Variants in STIM1 observed in about 807,000 individuals in gnomAD.
STIM1 encodes stromal interaction molecule 1.
STIM1 carries 25 observed loss-of-function variants against 74.7 expected under a neutral mutation model. The observed-to-expected ratio is 0.33, with a 90% confidence interval of 0.24 to 0.47. The LOEUF is 0.47. STIM1 is among the 20% of genes least tolerant of loss of function. The pLI is 1.00. For synonymous variants in STIM1, 328 were observed against 348.8 expected (o/e 0.94, Z 0.66); for missense variants, 728 against 920.8 (o/e 0.79, Z 2.71).
Position 4,069,054 on chromosome 11 carries a change from G to A in STIM1, c.614-972G>A, listed in dbSNP as rs181880048. On this transcript the variant is annotated intron_variant, in intron 5 of 12. Coordinates refer to ENST00000526596, the MANE Select transcript of STIM1 (RefSeq NM_001382567.1). Reference sequence around the variant, plus strand: ...CTCTTTCTCTGACTCCCACATCCAGGGCTCCTCTGAGCCCACAGCAAAACC... The same window carrying A: ...CTCTTTCTCTGACTCCCACATCCAGAGCTCCTCTGAGCCCACAGCAAAACC... Among the ~76,000 whole-genome samples, 123 of 152,208 alleles carry A rather than the reference G, an allele frequency of 8.1e-4. 2 individuals carry two copies. The highest frequency in any genetic ancestry group is 2.3e-3 in the South Asian group (11 of 4,822).
At chr11:3,869,897 T>A (rs2091015558) in intron 1 of STIM1, among the ~76,000 whole-genome samples, 4 of 152,128 alleles carry the variant, frequency 2.6e-5, no homozygotes, top group Admixed American at 2.0e-4. Flanking sequence ...ACTCAGAGTT[T>A]AAATGTAGGA....
intron 3 of STIM1, among the ~76,000 whole-genome samples, chr11:4,027,604 G>C (rs931892325): frequency 6.6e-6 from 1 of 152,190 alleles, no homozygotes; most frequent in Non-Finnish European, 1.5e-5. Context: ...GTGAACCACC[G>C]TGCCTGGGGA....
At chr11:3,933,774 G>A (rs1317343988) in intron 1 of STIM1, among the ~76,000 whole-genome samples, 1 of 152,174 alleles carries the variant, frequency 6.6e-6, no homozygotes, top group African/African-American at 2.4e-5. Context: ...CATTTTTAAA[G>A]AGTAAGTTAG....
chr11:3,933,247 A>T (rs1425145042), intron 1 of STIM1, among the ~76,000 whole-genome samples: 2 of 152,192 alleles, frequency 1.3e-5, no homozygotes, highest in African/African-American at 4.8e-5. Context: ...ACGTTTCCCC[A>T]ATTGTGCAAC....
chr11:3,900,741 G>C (rs996676557), intron 1 of STIM1, among the ~76,000 whole-genome samples: 2 of 152,134 alleles, frequency 1.3e-5, no homozygotes, highest in Non-Finnish European at 2.9e-5. Flanking sequence ...CGCCATGCCT[G>C]GCTAATATAT....
rs550800843 is a variant in STIM1, at chr11:4,051,964, A to G, written c.386-3562A>G. Among the ~76,000 whole-genome samples the G allele has an allele frequency of 1.1e-3, 173 of 152,374 alleles. 1 individual carries two copies. Among genetic ancestry groups the G allele is most frequent in the African/African-American group, 4.0e-3 (165 of 41,592 alleles). On this transcript the variant is annotated intron_variant, in intron 3 of 12. Coordinates refer to ENST00000526596, the MANE Select transcript of STIM1 (RefSeq NM_001382567.1). ...ATAAGCATTCCTATACATCAAGAAC[A>G]GACAAACAGAGAGCCAAATCATGAG...
Position 4,091,311 on chromosome 11 carries a change from C to T in STIM1, c.1664C>T (p.Ser555Phe), listed in dbSNP as rs141215990. The change falls in exon 13 of 13, where the codon TCC (serine) becomes TTC (phenylalanine). Residue 555 changes from serine to phenylalanine, a missense_variant. Physicochemically the swap from Ser to Phe is radical, Grantham distance 155. Around this residue, in one of 5 missense-constraint regions of STIM1, gnomAD observed 352 missense variants for 370.1 expected, o/e 0.95. Coordinates refer to ENST00000526596, the MANE Select transcript of STIM1 (RefSeq NM_001382567.1). ...RDLTHSDSES[S>F]LHMSDRQRVA... Reference sequence around the variant, plus strand: ...TTGACCCATTCCGATTCGGAGTCCTCCCTCCACATGAGTGACCGCCAGCGT... The same window carrying T: ...TTGACCCATTCCGATTCGGAGTCCTTCCTCCACATGAGTGACCGCCAGCGT... 1.8e-3 allele frequency: 2,933 copies of T among 1,614,246 alleles called. 9 individuals carry two copies. Among genetic ancestry groups the T allele is most frequent in the South Asian group, 3.2e-3 (296 of 91,090 alleles).
At chr11:4,001,085 A>G (rs1022580297) in intron 2 of STIM1, among the ~76,000 whole-genome samples, 11 of 152,258 alleles carry the variant, frequency 7.2e-5, no homozygotes, top group African/African-American at 2.2e-4. Context: ...GTGGGACTAT[A>G]TGAAAAGACC....
At chr11:4,023,013 A>G (rs545999186) in intron 2 of STIM1, among the ~76,000 whole-genome samples, 1 of 152,338 alleles carries the variant, frequency 6.6e-6, no homozygotes, top group Non-Finnish European at 1.5e-5. Flanking sequence ...AGGATTATCA[A>G]ACAATTTGTG....
chr11:4,050,428 C>T (rs985619686), intron 3 of STIM1, among the ~76,000 whole-genome samples: 1 of 152,150 alleles, frequency 6.6e-6, no homozygotes, highest in Non-Finnish European at 1.5e-5. Context: ...ACATTAGTCT[C>T]TCTGGGGATG....
In STIM1 at chr11:4,039,374, G is replaced by A. The variant is rs551161667; in HGVS notation, c.385+15387G>A. Among the ~76,000 whole-genome samples, 211 of 151,968 alleles carry A rather than the reference G, an allele frequency of 1.4e-3. 1 individual carries two copies. The highest frequency in any genetic ancestry group is 2.6e-3 in the Non-Finnish European group (178 of 67,936). On this transcript the variant is annotated intron_variant, in intron 3 of 12. Coordinates refer to ENST00000526596, the MANE Select transcript of STIM1 (RefSeq NM_001382567.1). ...GAGGCTGAGGCAGGTGGATCACAAG[G>A]TCAGGAGTTCAAGATCAGCTTGGCC...
chr11:3,935,976 A>G (rs945959224), intron 1 of STIM1, among the ~76,000 whole-genome samples: 4 of 152,214 alleles, frequency 2.6e-5, no homozygotes, highest in Admixed American at 6.5e-5. Context: ...ATGAGTAGTT[A>G]CTATAATTCT....
At chr11:3,985,621 T>A (rs2135819706) in intron 2 of STIM1, among the ~76,000 whole-genome samples, 1 of 152,298 alleles carries the variant, frequency 6.6e-6, no homozygotes, top group Middle Eastern at 3.4e-3. Flanking sequence ...AGGCAGAATC[T>A]GGGCCCCACA....
chr11:3,904,517 C>T (rs933605665), intron 1 of STIM1, among the ~76,000 whole-genome samples: 4 of 152,070 alleles, frequency 2.6e-5, no homozygotes, highest in African/African-American at 9.7e-5. Context: ...TTAAGCTTTA[C>T]CGTCGATATT....
chr11:3,984,201 A>G lies in STIM1; in HGVS notation c.270+16519A>G, dbSNP rs186341058. ...TTCTTAAAAAAATTTACTATATGCA[A>G]ATTTACTTCAGCATTGGTTTCTGGT... is the stretch of plus-strand genomic sequence containing the variant. On this transcript the variant is annotated intron_variant, in intron 2 of 12. Coordinates refer to ENST00000526596, the MANE Select transcript of STIM1 (RefSeq NM_001382567.1). Among the ~76,000 whole-genome samples the G allele has an allele frequency of 4.2e-3, 646 of 152,224 alleles. 7 individuals are homozygous for G. The highest frequency in any genetic ancestry group is 0.027 in the South Asian group (129 of 4,818).
chr11:3,973,198 G>T (rs1413959896), intron 2 of STIM1: 3 of 441,266 alleles, frequency 6.8e-6, no homozygotes, highest in East Asian at 5.7e-5. Flanking sequence ...ATCACCACCA[G>T]CATGGCTGCT....
intron 1 of STIM1, among the ~76,000 whole-genome samples, chr11:3,934,463 C>T (rs2092909446): frequency 6.6e-6 from 1 of 152,188 alleles, no homozygotes; most frequent in Admixed American, 6.5e-5. Flanking sequence ...CTCCATAGCA[C>T]TTTGTACAGC....
intron 1 of STIM1, among the ~76,000 whole-genome samples, chr11:3,890,678 A>G (rs1458602017): frequency 6.6e-6 from 1 of 152,172 alleles, no homozygotes; most frequent in East Asian, 1.9e-4. Context: ...ACTGCACTCC[A>G]GCCTGGGTGA....
At chr11:3,990,882 A>T (rs965462952) in intron 2 of STIM1, among the ~76,000 whole-genome samples, 5 of 151,942 alleles carry the variant, frequency 3.3e-5, no homozygotes, top group Non-Finnish European at 7.4e-5. Context: ...CGTGATGCTG[A>T]GGTTTGGGAT....
Sources: allele counts gnomAD v4.1 joint callset (sites outside exome capture counted in the v4.1 genomes callset), GRCh38; gene constraint gnomAD v4.1.1; regional missense constraint gnomAD v4.1.1; transcripts MANE v1.5; gene names NCBI Gene and HGNC (gene_info 2026-07-23, HGNC 2026-07-21).